Variants in TM2D3 observed in about 807,000 individuals in gnomAD.
The protein encoded by TM2D3 is TM2 domain-containing protein 3.
Under a neutral mutation model 27.3 loss-of-function variants are expected in TM2D3, and 33 were observed. That is an observed-to-expected ratio of 1.21 (90% CI 0.92 to 1.61). TM2D3 has a LOEUF of 1.61. TM2D3 is among the 40% of genes most tolerant of loss of function. The probability of loss-of-function intolerance (pLI) is 0.00; values close to 1 mark genes in which losing one functional copy is unlikely to be tolerated. For missense variants in TM2D3, 364 were observed against 320.8 expected (o/e 1.13, Z -1.03); for synonymous variants, 138 against 122.2 (o/e 1.13, Z -0.85).
In TM2D3 at chr15:101,652,283, G is replaced by C. The variant is rs746320444; in HGVS notation, c.79C>G (p.Leu27Val). The C allele has an allele frequency of 8.7e-6, 14 of 1,605,178 alleles. No homozygotes were observed. In the African/African-American group the frequency reaches 1.4e-4, roughly 16 times the overall value. The change falls in exon 1 of 6, where the codon CTG becomes GTG. Residue 27 changes from leucine (L) to valine (V), a missense_variant. By Grantham distance (32) the Leu-to-Val change is conservative. Coordinates refer to ENST00000333202, the MANE Select transcript of TM2D3 (RefSeq NM_078474.3). The stretch of plus-strand genomic sequence containing the variant: ...GCCTTTGACTCACCACCGCCCGACA[G>C]AATGCAGAACTGCGAGAGGAAGAGC... ...VLLFLSQFCILSGGEQSQALA... is the reference protein window; with the variant it reads ...VLLFLSQFCIVSGGEQSQALA...
chr15:101,649,374 CTTCT>C (rs2141368726), intron 3 of TM2D3, among the ~76,000 whole-genome samples: 1 of 152,076 alleles, frequency 6.6e-6, no homozygotes, highest in South Asian at 2.1e-4. Flanking sequence ...TATTTTATGG[CTTCT>C]AAACTTTATT....
At chr15:101,643,325 G>A (rs1264715944) in intron 5 of TM2D3, among the ~76,000 whole-genome samples, 1 of 152,034 alleles carries the variant, frequency 6.6e-6, no homozygotes, top group Non-Finnish European at 1.5e-5. Flanking sequence ...CCATGTTGCC[G>A]GGCGCGGTGG....
chr15:101,643,599 T>TTAAAAAA (rs1309191747), intron 5 of TM2D3, among the ~76,000 whole-genome samples: 1 of 47,340 alleles, frequency 2.1e-5, no homozygotes, highest in Non-Finnish European at 3.9e-5. Context: ...GAGACTCCGT[T>TTAAAAAA]AAAAAAAAAA....
intron 4 of TM2D3, chr15:101,633,941 T>C (rs28576110): frequency 0.019 from 8,624 of 444,882 alleles, 639 homozygotes; most frequent in African/African-American, 0.15. Flanking sequence ...ATCATGAAAA[T>C]GCCTCACTGA....
chr15:101,632,978 A>G (rs894289622), exon 5 of TM2D3: 1 of 152,240 alleles, frequency 6.6e-6, no homozygotes, highest in African/African-American at 2.4e-5. Context: ...CATATTTTTC[A>G]GCAGAAATCA....
downstream of TM2D3, among the ~76,000 whole-genome samples, chr15:101,637,743 AT>A (rs1483926763): frequency 1.3e-5 from 2 of 151,938 alleles, no homozygotes; most frequent in African/African-American, 4.8e-5. Flanking sequence ...GCTTATTTTT[AT>A]TTATTTTTTT....
At chr15:101,645,409 G>GT in intron 4 of TM2D3, 1 of 505,782 alleles carries the variant, frequency 2.0e-6, no homozygotes, top group Non-Finnish European at 3.5e-6. Flanking sequence ...CTACGGGGAA[G>GT]TTACGAGTAT....
downstream of TM2D3, among the ~76,000 whole-genome samples, chr15:101,639,870 G>A (rs1265959160): frequency 6.6e-6 from 1 of 152,174 alleles, no homozygotes; most frequent in African/African-American, 2.4e-5. Flanking sequence ...AAATAAATGA[G>A]AGCCTCTGTG....
rs369268332 is a variant in TM2D3, at chr15:101,652,287, G to A, written c.75C>T (p.Cys25=). The A allele has an allele frequency of 1.8e-5, 29 of 1,605,224 alleles. No homozygotes were observed. In the African/African-American group the frequency reaches 3.3e-4, roughly 18 times the overall value. ...TTGACTCACCACCGCCCGACAGAAT[G>A]CAGAACTGCGAGAGGAAGAGCAGCA... ...CRVLLFLSQF[C]ILSGGEQSQA... Residue 25 remains cysteine (C), a synonymous_variant, in exon 1 of 6, where the codon TGC becomes TGT. Transcript: ENST00000333202.
intron 5 of TM2D3, among the ~76,000 whole-genome samples, chr15:101,643,599 T>TTAAAAAAAAAAAAAAAAAAAAAAAAA (rs1309191747): frequency 2.1e-5 from 1 of 47,342 alleles, no homozygotes. Flanking sequence ...GAGACTCCGT[T>TTAAAAAAAAAAAAAAAAAAAAAAAAA]AAAAAAAAAA....
At chr15:101,644,286 C>T (rs558787755) in intron 5 of TM2D3, among the ~76,000 whole-genome samples, 12 of 152,220 alleles carry the variant, frequency 7.9e-5, no homozygotes, top group African/African-American at 2.9e-4. Context: ...ATTTTGTCCC[C>T]TAGGGGACAC....
intron 3 of TM2D3, among the ~76,000 whole-genome samples, chr15:101,647,898 A>AT (rs1247935989): frequency 6.8e-4 from 103 of 150,820 alleles, no homozygotes; most frequent in Non-Finnish European, 1.2e-3. Flanking sequence ...TACACACATT[A>AT]TTTTTTTTTC....
intron 4 of TM2D3, chr15:101,635,867 ATCTT>A (rs1293817794): frequency 1.3e-5 from 2 of 152,108 alleles, no homozygotes; most frequent in African/African-American, 4.8e-5. Context: ...TGAACTCTTC[ATCTT>A]TCTTTCGCAG....
chr15:101,641,684 C>G (rs1407077822), downstream of TM2D3, among the ~76,000 whole-genome samples: 1 of 152,112 alleles, frequency 6.6e-6, no homozygotes, highest in Non-Finnish European at 1.5e-5. Flanking sequence ...CAGATCTATA[C>G]TCAAAAACAT....
At chr15:101,646,441 G>A in intron 4 of TM2D3, 1 of 202,030 alleles carries the variant, frequency 4.9e-6, no homozygotes, top group Non-Finnish European at 1.1e-5. Flanking sequence ...TGGTATTGGT[G>A]CTGCTTTCAT....
exon 5 of TM2D3, chr15:101,633,202 G>A (rs989141415): frequency 6.5e-6 from 1 of 152,864 alleles, no homozygotes; most frequent in Admixed American, 6.5e-5. Context: ...GAAAATAAAT[G>A]ATAACAGAAG....
chr15:101,648,875 A>G (rs1308485026), intron 3 of TM2D3, among the ~76,000 whole-genome samples: 2 of 152,250 alleles, frequency 1.3e-5, no homozygotes, highest in Admixed American at 6.5e-5. Flanking sequence ...AATGATATCT[A>G]TAACATAAAT....
intron 4 of TM2D3, chr15:101,635,255 C>T (rs764925840): frequency 6.6e-6 from 1 of 152,070 alleles, no homozygotes; most frequent in Non-Finnish European, 1.5e-5. Flanking sequence ...GAAATGTTCT[C>T]AAAGTTCAGA....
chr15:101,652,174 C>G, intron 1 of TM2D3, 97 bp downstream of exon 1: 1 of 1,172,798 alleles, frequency 8.5e-7, no homozygotes, highest in Non-Finnish European at 1.2e-6. Context: ...GCCTCCTCCC[C>G]GCGTCAGCGT....
Sources: allele counts gnomAD v4.1 joint callset (sites outside exome capture counted in the v4.1 genomes callset), GRCh38; gene constraint gnomAD v4.1.1; transcripts MANE v1.5; gene names NCBI Gene and HGNC (gene_info 2026-07-23, HGNC 2026-07-21).